TEP1: variants seen among roughly 807,000 people sequenced by gnomAD.
TEP1 encodes telomerase protein component 1.
Under a neutral mutation model 306.3 loss-of-function variants are expected in TEP1, and 241 were observed. The observed-to-expected ratio is 0.79, with a 90% CI of 0.71 to 0.88. TEP1 has a LOEUF of 0.88. Among genes scored for constraint, TEP1 ranks in the 40% least tolerant of loss-of-function variants. The pLI is 0.00. For missense variants in TEP1, 3,051 were observed against 3,276.1 expected (o/e 0.93, Z 1.68); for synonymous variants, 1,289 against 1,305.5 (o/e 0.99, Z 0.27).
chr14:20,375,094 AAC>A (rs796520553), intron 43 of TEP1, among the ~76,000 whole-genome samples: 9,025 of 138,516 alleles, frequency 0.065, 421 homozygotes, highest in African/African-American at 0.098. Flanking sequence ...TCTGTCTCAA[AAC>A]AAAAAAAAAA....
intron 49 of TEP1, 125 bp from the exon 50 acceptor site, chr14:20,371,757 A>G: frequency 8.5e-7 from 1 of 1,177,458 alleles, no homozygotes; most frequent in South Asian, 1.8e-5. Flanking sequence ...TTCCCTGAAA[A>G]TCCTGTTCCA....
chr14:20,379,864 T>C (rs1885422475), intron 35 of TEP1, 66 bp downstream of exon 35: 1 of 1,543,978 alleles, frequency 6.5e-7, no homozygotes, highest in East Asian at 2.3e-5. Flanking sequence ...TTGGCTCATC[T>C]AGGGCTTCAG....
At chr14:20,383,147 C>T (rs1246712993) in intron 27 of TEP1, 27 bp downstream of exon 27, 2 of 1,557,432 alleles carry the variant, frequency 1.3e-6, no homozygotes, top group East Asian at 2.3e-5. Context: ...ACCCCACACA[C>T]CCACCGGCCC....
At chr14:20,407,004 G>A (rs527927823) in intron 2 of TEP1, among the ~76,000 whole-genome samples, 1 of 152,222 alleles carries the variant, frequency 6.6e-6, no homozygotes, top group Non-Finnish European at 1.5e-5. Context: ...GGGTTAAGAG[G>A]TTGCCCAAGG....
intron 35 of TEP1, 69 bp from the exon 36 acceptor site, chr14:20,379,174 C>G (rs934114423): frequency 4.3e-5 from 68 of 1,567,820 alleles, no homozygotes; most frequent in Non-Finnish European, 5.8e-5. Flanking sequence ...CCACTCCAGG[C>G]CCCACCCAAA....
chr14:20,378,700 G>A (rs959632535), intron 37 of TEP1, 54 bp downstream of exon 37: 73 of 1,595,236 alleles, frequency 4.6e-5, no homozygotes, highest in Non-Finnish European at 5.6e-5. Context: ...ACAAATTCAC[G>A]AGGGTGAGTC....
At chr14:20,383,982 C>T (rs1172728839) in intron 24 of TEP1, 56 bp downstream of exon 24, 1 of 1,583,666 alleles carries the variant, frequency 6.3e-7, no homozygotes, top group South Asian at 1.2e-5. Flanking sequence ...TGTGCCTTAC[C>T]TCCTTAGCCC....
rs137919088 is a variant in TEP1, at chr14:20,385,049, G to A, written c.3043C>T (p.Arg1015Trp). The A allele has an allele frequency of 1.7e-4, 268 of 1,614,158 alleles. No homozygotes were observed. In the African/African-American group the frequency reaches 2.8e-3, roughly 17 times the overall value. Residue 1015 changes from arginine to tryptophan, a missense_variant, in exon 21 of 55, where the codon CGG (arginine) becomes TGG (tryptophan). Around this residue, in one of 3 missense-constraint regions of TEP1, gnomAD observed 1,507 missense variants for 1,550.5 expected, o/e 0.97. Coordinates refer to ENST00000262715, the MANE Select transcript of TEP1 (RefSeq NM_007110.5). The stretch of plus-strand genomic sequence containing the variant: ...GCAGAGGGCTGCAGACGTTGGTTCC[G>A]GTTCAGGAACTGCATCACCTCCATC... ...TEMEVMQFLN[R>W]NQRLQPSAQA... is the part of the protein sequence containing the mutation.
Position 20,373,546 on chromosome 14 carries a change from G to A in TEP1, c.6642C>T (p.Val2214=), listed in dbSNP as rs755979196. ...ATAACCGTGTGGCCCCATCTAGCCC[G>A]ACGGTTACCACCAGAAGCTCTGACC... The part of the protein sequence containing the change: ...QPGSELLVVT[V]GLDGATRLWH... The change falls in exon 46 of 55, where the codon GTC becomes GTT. Residue 2214 remains valine, a synonymous_variant. Coordinates refer to ENST00000262715, the MANE Select transcript of TEP1 (RefSeq NM_007110.5). The A allele has an allele frequency of 1.7e-5, 27 of 1,614,088 alleles. No individual in the cohort carries two copies. Among genetic ancestry groups the A allele is most frequent in the Admixed American group, 1.5e-4 (9 of 60,006 alleles).
chr14:20,389,651 C>A lies in TEP1; in HGVS notation c.2424G>T (p.Lys808Asn), dbSNP rs771807692. Residue 808 changes from lysine (K) to asparagine (N), a missense_variant, in exon 16 of 55, where the codon AAG becomes AAT. Lys to Asn is a moderately conservative substitution (Grantham distance 94). Transcript: ENST00000262715. Reference protein sequence around the residue: ...KQLYWQRVNSKCLFVGILLRR... With the variant: ...KQLYWQRVNSNCLFVGILLRR... ...TTAGGAGGATACCAACAAAGAGGCACTTGGAATTCACACGCTGCCAGTAAA... is the reference window on the plus strand; with the variant it reads ...TTAGGAGGATACCAACAAAGAGGCAATTGGAATTCACACGCTGCCAGTAAA... 6.8e-6 allele frequency: 11 copies of A among 1,614,114 alleles called. No individual in the cohort carries two copies. In the Middle Eastern group the frequency reaches 6.6e-4, roughly 96 times the overall value.
intron 20 of TEP1, among the ~76,000 whole-genome samples, chr14:20,385,697 A>G (rs891259468): frequency 2.0e-5 from 3 of 152,172 alleles, no homozygotes; most frequent in Non-Finnish European, 2.9e-5. Context: ...CAATTCTCAT[A>G]ATAACCCTCC....
In TEP1 at chr14:20,376,174, T is replaced by G. The variant is rs1246928165; in HGVS notation, c.6179A>C (p.His2060Pro). 1 of 1,614,046 alleles carries G rather than the reference T, an allele frequency of 6.2e-7. No individual in the cohort carries two copies. The highest frequency in any genetic ancestry group is 8.5e-7 in the Non-Finnish European group (1 of 1,180,028). The change falls in exon 42 of 55, where the codon CAT (histidine) becomes CCT (proline). Residue 2060 changes from histidine to proline, a missense_variant. By Grantham distance (77) the His-to-Pro change is moderately conservative. This residue lies in a region of TEP1 where 1,540 missense variants were observed against 1,705.9 expected (regional missense o/e 0.90). Coordinates refer to ENST00000262715, the MANE Select transcript of TEP1 (RefSeq NM_007110.5). ...DFPCGTELRG[H>P]EGPVSCCSFS... ...ACTACAGCAGCTCACAGGGCCCTCA[T>G]GTCCCCGCAGCTCAGTGCCACAGGG... is the stretch of plus-strand genomic sequence containing the variant.
rs759056277 is a variant in TEP1, at chr14:20,388,049, T to C, written c.2540A>G (p.His847Arg). 9.3e-6 allele frequency: 15 copies of C among 1,614,086 alleles called. No homozygotes were observed. Among genetic ancestry groups the C allele is most frequent in the South Asian group, 6.6e-5 (6 of 91,046 alleles). ...TDAILKFIAE[H>R]GASHLLEHVG... ...ATGTTCCAGAAGATGGGAGGCCCCA[T>C]GCTCTGCAATGAACCTGACATAAAT... Residue 847 changes from histidine (H) to arginine (R), a missense_variant, in exon 18 of 55, where the codon CAT becomes CGT. Transcript: ENST00000262715.
chr14:20,384,963 G>C (rs1012500395), intron 21 of TEP1, 22 bp downstream of exon 21: 17 of 1,614,034 alleles, frequency 1.1e-5, no homozygotes, highest in Non-Finnish European at 1.4e-5. Context: ...AGGAGCCCCA[G>C]CCTGCAGGCA....
At position 20,403,866 on chromosome 14, in the gene TEP1, T is replaced by C. The variant is rs1878959045; in HGVS notation, c.1051A>G (p.Lys351Glu). 6.2e-7 allele frequency: 1 copy of C among 1,613,976 alleles called. No individual in the cohort carries two copies. The highest frequency in any genetic ancestry group is 1.7e-5 in the Admixed American group (1 of 59,988). Residue 351 changes from lysine to glutamate, a missense_variant, in exon 6 of 55, where the codon AAG becomes GAG. Transcript: ENST00000262715. ...ELYQSLAEGDKNKLVPLPACL... is the reference protein window; with the variant it reads ...ELYQSLAEGDENKLVPLPACL... Reference sequence around the variant, plus strand: ...GCGGGCAGGGGCACCAGCTTATTCTTATCTCCCTCAGCCAGGCTCTGTCAA... The same window carrying C: ...GCGGGCAGGGGCACCAGCTTATTCTCATCTCCCTCAGCCAGGCTCTGTCAA...
chr14:20,382,444 A>C, intron 28 of TEP1, 88 bp from the exon 29 acceptor site: 1 of 1,547,772 alleles, frequency 6.5e-7, no homozygotes, highest in South Asian at 1.2e-5. Flanking sequence ...GCAGGAGGAC[A>C]GTGTGGAGGA....
At chr14:20,400,058 A>G (rs1878540525) in intron 9 of TEP1, among the ~76,000 whole-genome samples, 1 of 145,358 alleles carries the variant, frequency 6.9e-6, no homozygotes, top group South Asian at 2.2e-4. Context: ...CGGGAGACTG[A>G]GGCAGGAGGC....
Position 20,380,025 on chromosome 14 carries a change from A to G in TEP1, c.5032T>C (p.Ser1678Pro). 1 of 1,613,906 alleles carries G rather than the reference A, an allele frequency of 6.2e-7. No homozygotes were observed. ...SSSLSLAVSS[S>P]PTAVAFSTNG... ...GTGGAGAAGGCCACAGCAGTAGGGG[A>G]TGAGGAAACTGCCAGAGACAGGCTG... Residue 1678 changes from serine to proline, a missense_variant, in exon 35 of 55, where the codon TCC (serine) becomes CCC (proline). By Grantham distance (74) the Ser-to-Pro change is moderately conservative. Transcript: ENST00000262715.
intron 12 of TEP1, among the ~76,000 whole-genome samples, chr14:20,393,542 A>T (rs1021367677): frequency 3.3e-5 from 5 of 152,352 alleles, no homozygotes; most frequent in South Asian, 2.1e-4. Flanking sequence ...CTGTAATCCC[A>T]GTACTTTGGG....
Sources: gnomAD v4.1 joint callset for allele counts (sites outside exome capture counted in the v4.1 genomes callset) on GRCh38, gnomAD v4.1.1 for gene constraint, gnomAD v4.1.1 regional missense constraint, MANE v1.5 for transcripts, NCBI Gene and HGNC (gene_info 2026-07-23, HGNC 2026-07-21) for gene names.